NRXN3: variants seen among roughly 807,000 people sequenced by gnomAD.
NRXN3 encodes neurexin III.
NRXN3 carries 32 observed loss-of-function variants against 137.6 expected under a neutral mutation model. The ratio of observed to expected loss-of-function variants is 0.23; its 90% CI spans 0.18 to 0.31. The LOEUF is 0.31. NRXN3 is among the 10% of genes least tolerant of loss of function. The probability of loss-of-function intolerance (pLI) is 1.00; values close to 1 mark genes in which losing one functional copy is unlikely to be tolerated. For missense variants in NRXN3, 1,574 were observed against 2,062.5 expected, an observed-to-expected ratio of 0.76 and a Z score of 4.59; for synonymous variants, 798 against 784.5, an observed-to-expected ratio of 1.02 and a Z score of -0.29.
At chr14:79,793,005 G>T (rs1344598242) in intron 19 of NRXN3, among the ~76,000 whole-genome samples, 1 of 152,126 alleles carries the variant, frequency 6.6e-6, no homozygotes, top group East Asian at 1.9e-4. Flanking sequence ...ATACTCTCTG[G>T]AATGTTATTA....
chr14:78,232,139 T>C (rs1317185720), intron 1 of NRXN3, among the ~76,000 whole-genome samples: 1 of 152,244 alleles, frequency 6.6e-6, no homozygotes, highest in East Asian at 1.9e-4. Flanking sequence ...GTGTGCCCGG[T>C]AGATGGGGCT....
intron 20 of NRXN3, among the ~76,000 whole-genome samples, chr14:79,836,061 A>G (rs77076999): frequency 0.01 from 1,551 of 152,318 alleles, 21 homozygotes; most frequent in African/African-American, 0.036. Flanking sequence ...CCGACTCTGC[A>G]TCATTAGGGT....
intron 6 of NRXN3, among the ~76,000 whole-genome samples, chr14:78,688,768 C>T (rs767550690): frequency 2.6e-4 from 40 of 151,900 alleles, no homozygotes; most frequent in Non-Finnish European, 5.3e-4. Context: ...AGAGAAAAAC[C>T]AGTGCCAGCA....
intron 15 of NRXN3, among the ~76,000 whole-genome samples, chr14:79,323,126 T>A (rs1217554210): frequency 6.6e-6 from 1 of 152,220 alleles, no homozygotes; most frequent in Non-Finnish European, 1.5e-5. Context: ...CTTGAACTCC[T>A]GGGCTCAGGT....
intron 2 of NRXN3, among the ~76,000 whole-genome samples, chr14:78,272,973 T>A (rs1446547995): frequency 6.6e-6 from 1 of 152,192 alleles, no homozygotes; most frequent in Non-Finnish European, 1.5e-5. Flanking sequence ...ATTAAAAAAA[T>A]CAATATACAC....
intron 15 of NRXN3, among the ~76,000 whole-genome samples, chr14:79,261,505 G>A (rs2077571247): frequency 6.6e-6 from 1 of 152,012 alleles, no homozygotes; most frequent in Non-Finnish European, 1.5e-5. Flanking sequence ...AGCTAGACCT[G>A]AGGATGCTAA....
At chr14:79,803,418 C>T (rs1358853992) in intron 19 of NRXN3, among the ~76,000 whole-genome samples, 1 of 152,114 alleles carries the variant, frequency 6.6e-6, no homozygotes, top group East Asian at 1.9e-4. Flanking sequence ...GAATTAGTGT[C>T]TTCTGAGAAC....
chr14:79,007,732 G>T (rs959546955), intron 15 of NRXN3, among the ~76,000 whole-genome samples: 2 of 149,800 alleles, frequency 1.3e-5, no homozygotes, highest in East Asian at 4.0e-4. Context: ...CGTGAACCCG[G>T]GAGGCAGAGC....
intron 19 of NRXN3, among the ~76,000 whole-genome samples, chr14:79,777,476 TA>T (rs35166061): frequency 0.11 from 15,807 of 144,146 alleles, 932 homozygotes; most frequent in Middle Eastern, 0.19. Flanking sequence ...GGAATTTTTC[TA>T]AAAAAAAAAA....
intron 10 of NRXN3, among the ~76,000 whole-genome samples, chr14:78,859,063 G>C (rs1006879951): frequency 2.6e-5 from 4 of 152,062 alleles, no homozygotes; most frequent in Non-Finnish European, 5.9e-5. Flanking sequence ...ATCACAGGGG[G>C]GCGGTTTCCC....
chr14:78,607,990 G>A (rs2097266562), intron 4 of NRXN3, among the ~76,000 whole-genome samples: 1 of 152,218 alleles, frequency 6.6e-6, no homozygotes, highest in Non-Finnish European at 1.5e-5. Flanking sequence ...TGTAAGTGAT[G>A]TGAGAAAATT....
chr14:78,187,065 A>C (rs1293547020), intron 1 of NRXN3, among the ~76,000 whole-genome samples: 2 of 152,178 alleles, frequency 1.3e-5, no homozygotes, highest in Non-Finnish European at 2.9e-5. Context: ...GGAGTTATCA[A>C]GGGGCTACTT....
intron 4 of NRXN3, among the ~76,000 whole-genome samples, chr14:78,402,014 T>C (rs2092115068): frequency 6.6e-6 from 1 of 152,240 alleles, no homozygotes; most frequent in African/African-American, 2.4e-5. Context: ...TCTGTCTCAC[T>C]GCATGTGGTG....
intron 15 of NRXN3, among the ~76,000 whole-genome samples, chr14:79,232,286 G>A (rs1429952856): frequency 1.3e-5 from 2 of 152,020 alleles, no homozygotes; most frequent in South Asian, 2.1e-4. Context: ...ATGTGTGTGT[G>A]CGTGCTCCAA....
chr14:79,719,916 G>A (rs1022777737), intron 19 of NRXN3, among the ~76,000 whole-genome samples: 1 of 152,102 alleles, frequency 6.6e-6, no homozygotes, highest in African/African-American at 2.4e-5. Flanking sequence ...AATAGTGTCT[G>A]TTGCATAGTG....
Position 78,425,971 on chromosome 14 carries a change from A to G in NRXN3, c.757+128111A>G, listed in dbSNP as rs563493016. ...GCACCTGATTCTTGGAAGATCCAGA[A>G]GTGGCACTTCCTGTGCAGTTCCAGG... On this transcript the variant is annotated intron_variant, in intron 4 of 20. Transcript: ENST00000335750. Among the ~76,000 whole-genome samples the G allele has an allele frequency of 7.2e-5, 11 of 152,300 alleles. No individual in the cohort carries two copies. The South Asian group carries it at 2.3e-3, about 32-fold the overall frequency.
At chr14:78,937,759 G>A (rs2099345032) in intron 10 of NRXN3, among the ~76,000 whole-genome samples, 1 of 152,178 alleles carries the variant, frequency 6.6e-6, no homozygotes, top group African/African-American at 2.4e-5. Context: ...TACTGTTACA[G>A]GAATATGTAA....
intron 19 of NRXN3, among the ~76,000 whole-genome samples, chr14:79,753,752 T>C (rs959430424): frequency 6.6e-6 from 1 of 151,808 alleles, no homozygotes; most frequent in African/African-American, 2.4e-5. Flanking sequence ...AAATTTCTAA[T>C]TGAGTTGCCT....
intron 15 of NRXN3, among the ~76,000 whole-genome samples, chr14:79,039,944 T>G (rs1372935478): frequency 6.6e-6 from 1 of 152,270 alleles, no homozygotes; most frequent in East Asian, 1.9e-4. Context: ...CCTCAAATGA[T>G]CTTCCTGCCT....
Sources: gnomAD v4.1 joint callset for allele counts (sites outside exome capture counted in the v4.1 genomes callset) on GRCh38, gnomAD v4.1.1 for gene constraint, MANE v1.5 for transcripts, NCBI Gene and HGNC (gene_info 2026-07-23, HGNC 2026-07-21) for gene names.